Variants in SASS6 observed in about 807,000 individuals in gnomAD.
SASS6 encodes the protein spindle assembly abnormal protein 6 homolog.
SASS6 carries 59 observed loss-of-function variants against 94.9 expected under a neutral mutation model. The ratio of observed to expected loss-of-function variants is 0.62; its 90% CI spans 0.50 to 0.77. The LOEUF (loss-of-function observed/expected upper bound fraction) is 0.77, where lower values mean the gene tolerates loss of function less well. SASS6 is among the 30% of genes least tolerant of loss of function. The pLI is 0.00. For synonymous variants in SASS6, 264 were observed against 270.0 expected (o/e 0.98, Z 0.22); for missense variants, 698 against 734.1 (o/e 0.95, Z 0.57).
At chr1:100,121,606 C>A in intron 4 of SASS6, 57 bp from the exon 5 acceptor site, 1 of 970,424 alleles carries the variant, frequency 1.0e-6, no homozygotes, top group Non-Finnish European at 1.6e-6. Flanking sequence ...AAATCTCTCA[C>A]TGAATCAGAA....
At chr1:100,123,753 A>G (rs1654371260) in intron 2 of SASS6, among the ~76,000 whole-genome samples, 2 of 152,246 alleles carry the variant, frequency 1.3e-5, no homozygotes, top group Non-Finnish European at 1.5e-5. Flanking sequence ...TGTCTCTCAG[A>G]AGACCAGGGT....
At chr1:100,114,765 A>G (rs562156336) in intron 7 of SASS6, among the ~76,000 whole-genome samples, 2 of 152,068 alleles carry the variant, frequency 1.3e-5, no homozygotes, top group African/African-American at 4.8e-5. Flanking sequence ...AAATAATAGC[A>G]AATTGATACA....
In SASS6 at chr1:100,128,874, A is replaced by C. The variant is rs575967272; in HGVS notation, c.66-2932T>G. ...CACCCAGTAGCTGTGCTCTTAAACT[A>C]TCAATCAAACAAATAAAAGGTACTT... On this transcript the variant is annotated intron_variant, in intron 1 of 16. Transcript: ENST00000287482. Among the ~76,000 whole-genome samples the C allele has an allele frequency of 1.1e-4, 16 of 152,274 alleles. No homozygotes were observed. In the South Asian group the frequency reaches 3.3e-3, roughly 32 times the overall value.
At chr1:100,103,565 T>C (rs368140597) in intron 13 of SASS6, among the ~76,000 whole-genome samples, 1 of 152,234 alleles carries the variant, frequency 6.6e-6, no homozygotes, top group East Asian at 1.9e-4. Context: ...ACCAACGTTA[T>C]GAAAAAGTTT....
chr1:100,092,774 A>C (rs978058241), intron 14 of SASS6, among the ~76,000 whole-genome samples: 1 of 151,994 alleles, frequency 6.6e-6, no homozygotes, highest in African/African-American at 2.4e-5. Flanking sequence ...ACAGGGTTTC[A>C]CTGCTTTAGC....
At position 100,123,150 on chromosome 1, in the gene SASS6, C is replaced by G. The variant is rs1005820315; in HGVS notation, c.206+60G>C. On this transcript the variant is annotated intron_variant, in intron 3 of 16. Transcript: ENST00000287482. ...GTATGTGTTTGAAAGAGAACAGTAC[C>G]AATAAAACTTAGAAACTTATTTTTT... The G allele has an allele frequency of 2.0e-5, 14 of 708,538 alleles. No homozygotes were observed. In the African/African-American group the frequency reaches 2.4e-4, roughly 12 times the overall value. The allele number at this position is 708,538 out of a possible 1,614,324, so 43.9% of individuals were successfully genotyped here. A position where few individuals can be genotyped will look rare whatever the true frequency, so the allele number is the denominator to read the frequency against.
chr1:100,131,819 A>G (rs754685424), intron 1 of SASS6, among the ~76,000 whole-genome samples: 4 of 152,234 alleles, frequency 2.6e-5, no homozygotes, highest in Non-Finnish European at 5.9e-5. Flanking sequence ...TAGTTTTCAC[A>G]TACGATTTCA....
chr1:100,125,970 A>T, intron 1 of SASS6, 28 bp from the exon 2 acceptor site: 3 of 1,213,584 alleles, frequency 2.5e-6, no homozygotes, highest in Non-Finnish European at 3.5e-6. Flanking sequence ...CCCAACCATC[A>T]GAAACATTCA....
chr1:100,118,828 A>T (rs1357229330), intron 7 of SASS6, among the ~76,000 whole-genome samples, 190 bp downstream of exon 7: 1 of 152,050 alleles, frequency 6.6e-6, no homozygotes, highest in African/African-American at 2.4e-5. Flanking sequence ...GAAAAGTCTG[A>T]AAAAAATACA....
Position 100,092,007 on chromosome 1 carries a change from CAAAAAAAAAAAAAA to C in SASS6, c.1675-3785_1675-3772del, listed in dbSNP as rs34503110. 1.2e-3 allele frequency among the ~76,000 whole-genome samples: 62 copies of C among 50,022 alleles called. No homozygotes were observed. The South Asian group carries it at 0.021, about 17-fold the overall frequency. The allele number at this position is 50,022 out of a possible 152,430, so 32.8% of individuals were successfully genotyped here. ...TGAGCTACAAAGCGAGACCCTGTCTCAAAAAAAAAAAAAAAAAAAAAAAAAAAATTGAAGAAATA... is the reference window on the plus strand; with the variant it reads ...TGAGCTACAAAGCGAGACCCTGTCTCAAAAAAAAAAAAAATTGAAGAAATA... On this transcript the variant is annotated intron_variant, in intron 14 of 16. Coordinates refer to ENST00000287482, the MANE Select transcript of SASS6 (RefSeq NM_194292.3).
chr1:100,096,408 AATGT>A (rs1652103413), intron 14 of SASS6, among the ~76,000 whole-genome samples: 1 of 152,356 alleles, frequency 6.6e-6, no homozygotes, highest in East Asian at 1.9e-4. Flanking sequence ...CACAGATCTA[AATGT>A]AACAACTAAA....
intron 14 of SASS6, among the ~76,000 whole-genome samples, chr1:100,089,944 T>G (rs929485978): frequency 1.3e-5 from 2 of 151,930 alleles, no homozygotes; most frequent in Admixed American, 6.6e-5. Context: ...CAAGTAAAAT[T>G]TTGACAACAG....
chr1:100,110,716 T>G (rs1653259874), intron 7 of SASS6, among the ~76,000 whole-genome samples: 1 of 151,996 alleles, frequency 6.6e-6, no homozygotes, highest in African/African-American at 2.4e-5. Flanking sequence ...CATGATCTTG[T>G]TCATAATTTT....
chr1:100,126,861 C>G (rs917223155), intron 1 of SASS6, among the ~76,000 whole-genome samples: 6 of 152,094 alleles, frequency 3.9e-5, no homozygotes, highest in African/African-American at 1.4e-4. Context: ...TAACATATTC[C>G]CTACATTTAT....
intron 14 of SASS6, among the ~76,000 whole-genome samples, chr1:100,090,576 C>A (rs1024275771): frequency 6.6e-6 from 1 of 152,022 alleles, no homozygotes; most frequent in African/African-American, 2.4e-5. Context: ...AGTGGCGAGG[C>A]GATAACTAAA....
At position 100,105,921 on chromosome 1, in the gene SASS6, G is replaced by A. The variant is rs1557885689; in HGVS notation, c.1409-18C>T. On this transcript the variant is annotated intron_variant, in intron 12 of 16. Transcript: ENST00000287482. Reference sequence around the variant, plus strand: ...CGTGATTACTTAAATAAAAGAACAAGAAGCAAGGTAAAGAATATTGACTGT... The same window carrying A: ...CGTGATTACTTAAATAAAAGAACAAAAAGCAAGGTAAAGAATATTGACTGT... The A allele has an allele frequency of 9.8e-6, 15 of 1,532,716 alleles. No individual in the cohort carries two copies. Among genetic ancestry groups the A allele is most frequent in the Non-Finnish European group, 1.2e-5 (13 of 1,121,540 alleles). The allele number at this position is 1,532,716 out of a possible 1,614,324, so 94.9% of individuals were successfully genotyped here.
chr1:100,101,143 ATGT>A (rs1322176458), intron 14 of SASS6, among the ~76,000 whole-genome samples: 7 of 152,176 alleles, frequency 4.6e-5, no homozygotes, highest in Non-Finnish European at 1.5e-5. Context: ...TAAGAGTTGA[ATGT>A]TGTTTGTTTT....
chr1:100,126,807 G>A (rs1372788207), intron 1 of SASS6, among the ~76,000 whole-genome samples: 1 of 152,032 alleles, frequency 6.6e-6, no homozygotes, highest in Admixed American at 6.6e-5. Context: ...AACTTAATAT[G>A]TGAAGCGATA....
At chr1:100,120,492 AC>A in intron 5 of SASS6, 33 bp from the exon 6 acceptor site, 3 of 966,122 alleles carry the variant, frequency 3.1e-6, no homozygotes, top group Non-Finnish European at 5.0e-6. Flanking sequence ...TACACAGTTT[AC>A]AATGTAATCA....
Sources: allele counts gnomAD v4.1 joint callset (sites outside exome capture counted in the v4.1 genomes callset), GRCh38; gene constraint gnomAD v4.1.1; transcripts MANE v1.5; gene names NCBI Gene and HGNC (gene_info 2026-07-23, HGNC 2026-07-21).